SLC34A1: variants seen among roughly 807,000 people sequenced by gnomAD.
SLC34A1 encodes the protein solute carrier family 34 member 1.
A neutral mutation model predicts 51.4 loss-of-function variants in SLC34A1; 57 were observed. The observed-to-expected ratio is 1.11, with a 90% CI of 0.90 to 1.38. SLC34A1 has a LOEUF of 1.38. SLC34A1 is among the 40% of genes most tolerant of loss of function. SLC34A1 has a pLI of 0.00. For missense variants in SLC34A1, 796 were observed against 835.6 expected (o/e 0.95, Z 0.58); for synonymous variants, 368 against 358.0 (o/e 1.03, Z -0.32).
intron 8 of SLC34A1, among the ~76,000 whole-genome samples, chr5:177,391,534 T>A (rs1354795028): frequency 1.3e-5 from 2 of 152,164 alleles, no homozygotes; most frequent in Admixed American, 1.3e-4. Flanking sequence ...CACCTACTCA[T>A]TCAAGGGGTT....
intron 8 of SLC34A1, among the ~76,000 whole-genome samples, chr5:177,392,311 A>C (rs939986992): frequency 6.6e-6 from 1 of 152,100 alleles, no homozygotes; most frequent in Non-Finnish European, 1.5e-5. Flanking sequence ...AAAATACAAA[A>C]AATTAGCTGG....
intron 12 of SLC34A1, chr5:177,397,534 G>A (rs1763009685): frequency 1.7e-6 from 1 of 589,900 alleles, no homozygotes; most frequent in Non-Finnish European, 3.0e-6. Flanking sequence ...CCTGTGCGAG[G>A]GGTCAGTGGG....
chr5:177,394,292 T>A, intron 10 of SLC34A1, 97 bp downstream of exon 10: 3 of 1,296,366 alleles, frequency 2.3e-6, no homozygotes, highest in South Asian at 1.2e-5. Flanking sequence ...AACCCTACCA[T>A]CTCTGAGACT....
chr5:177,394,227 A>G (rs1468416284), intron 10 of SLC34A1, 32 bp downstream of exon 10: 1 of 1,611,712 alleles, frequency 6.2e-7, no homozygotes, highest in Admixed American at 1.7e-5. Flanking sequence ...GGGCAGGGCC[A>G]CAGGATGGGC....
Position 177,396,970 on chromosome 5 carries a change from G to C in SLC34A1, c.1312G>C (p.Glu438Gln), listed in dbSNP as rs554566423. ...CCCAGGTCTTGGTGTGATCAGCATT[G>C]AGAGGGCCTACCCGCTCACACTGGG... ...PLIGLGVISI[E>Q]RAYPLTLGSN... The change falls in exon 12 of 13, where the codon GAG becomes CAG. Residue 438 changes from glutamate to glutamine, a missense_variant. Physicochemically the swap from Glu to Gln is conservative, Grantham distance 29. Transcript: ENST00000324417. The surrounding 1 kb of genome is among the most constrained non-coding windows in gnomAD (Gnocchi z 4.0). 6.2e-7 allele frequency: 1 copy of C among 1,614,058 alleles called. No individual in the cohort carries two copies. Among genetic ancestry groups the C allele is most frequent in the African/African-American group, 1.3e-5 (1 of 74,938 alleles).
chr5:177,388,015 G>T lies in SLC34A1; in HGVS notation c.666G>T (p.Val222=). The change falls in exon 7 of 13, where the codon GTG becomes GTT. Residue 222 remains valine (V), a synonymous_variant. Coordinates refer to ENST00000324417, the MANE Select transcript of SLC34A1 (RefSeq NM_003052.5). The surrounding 1 kb of genome is among the most constrained non-coding windows in gnomAD (Gnocchi z 4.3). ...CCAGGGCCTTCGCGGGGGCCACGGT[G>T]CATGACTGCTTTAACTGGCTGTCAG... is the stretch of plus-strand genomic sequence containing the variant. The part of the protein sequence containing the change: ...DFRRAFAGAT[V]HDCFNWLSVL... 1 of 1,613,802 alleles carries T rather than the reference G, an allele frequency of 6.2e-7. No individual in the cohort carries two copies. The highest frequency in any genetic ancestry group is 1.1e-5 in the South Asian group (1 of 91,082).
chr5:177,389,816 T>G (rs1186251879), intron 8 of SLC34A1: 3 of 1,522,588 alleles, frequency 2.0e-6, no homozygotes, highest in African/African-American at 1.4e-5. Flanking sequence ...CCAGGTTCAC[T>G]CTGGGGAGGC....
chr5:177,386,215 A>T lies in SLC34A1; in HGVS notation c.260-6A>T. On this transcript the variant is annotated splice_polypyrimidine_tract_variant and splice_region_variant and intron_variant, in intron 3 of 12. Transcript: ENST00000324417. The surrounding 1 kb of genome is among the most constrained non-coding windows in gnomAD (Gnocchi z 4.8). ...GCCCACTATGCTCATGGCTTCCCCC[A>T]TCCAGAGTCCAGGCTGGTCCCCAAG... The T allele has an allele frequency of 1.2e-6, 2 of 1,614,090 alleles. No homozygotes were observed. Among genetic ancestry groups the T allele is most frequent in the Non-Finnish European group, 1.7e-6 (2 of 1,180,004 alleles).
At chr5:177,387,439 T>C (rs1422447984) in intron 5 of SLC34A1, among the ~76,000 whole-genome samples, 1 of 152,192 alleles carries the variant, frequency 6.6e-6, no homozygotes, top group East Asian at 1.9e-4. Flanking sequence ...CTGGGGCATG[T>C]GTGCACACAC....
At chr5:177,395,879 T>C (rs1159471882) in intron 10 of SLC34A1, among the ~76,000 whole-genome samples, 2 of 152,164 alleles carry the variant, frequency 1.3e-5, no homozygotes, top group African/African-American at 4.8e-5. Context: ...AGTGAACCTC[T>C]CGCCTTGGCC....
intron 5 of SLC34A1, among the ~76,000 whole-genome samples, chr5:177,387,364 C>T (rs912556678): frequency 1.3e-5 from 2 of 152,180 alleles, no homozygotes; most frequent in African/African-American, 4.8e-5. Flanking sequence ...CACTGCACTC[C>T]AGCCTGGGCG....
At chr5:177,387,099 A>C (rs564359620) in intron 5 of SLC34A1, among the ~76,000 whole-genome samples, 2 of 151,950 alleles carry the variant, frequency 1.3e-5, no homozygotes, top group East Asian at 1.9e-4. Context: ...GGCCGGGCGC[A>C]GTGGCTCATG....
At chr5:177,392,155 C>T (rs1273658495) in intron 8 of SLC34A1, among the ~76,000 whole-genome samples, 2 of 152,200 alleles carry the variant, frequency 1.3e-5, no homozygotes, top group South Asian at 2.1e-4. Flanking sequence ...GGATGTTACA[C>T]CAGACGCCAT....
chr5:177,390,754 G>A (rs1762775271), intron 8 of SLC34A1, among the ~76,000 whole-genome samples: 1 of 151,976 alleles, frequency 6.6e-6, no homozygotes. Context: ...TCCTCTGAGG[G>A]GGAAACTGCT....
At position 177,386,127 on chromosome 5, in the gene SLC34A1, C is replaced by A. The variant is rs1762559353; in HGVS notation, c.250C>A (p.Gln84Lys). 6.2e-7 allele frequency: 1 copy of A among 1,613,586 alleles called. No individual in the cohort carries two copies. Among genetic ancestry groups the A allele is most frequent in the African/African-American group, 1.3e-5 (1 of 75,058 alleles). ...TGCCAAGCTGGCCCTGGAGGAGGAGCAGAAGCCAGGTGGGCCTGGGCTGGG... is the reference window on the plus strand; with the variant it reads ...TGCCAAGCTGGCCCTGGAGGAGGAGAAGAAGCCAGGTGGGCCTGGGCTGGG... The part of the protein sequence containing the change: ...LPAKLALEEE[Q>K]KPESRLVPKL... Residue 84 changes from glutamine (Q) to lysine (K), a missense_variant, in exon 3 of 13, where the codon CAG (glutamine) becomes AAG (lysine). By Grantham distance (53) the Gln-to-Lys change is moderately conservative. Coordinates refer to ENST00000324417, the MANE Select transcript of SLC34A1 (RefSeq NM_003052.5). The surrounding 1 kb of genome is among the most constrained non-coding windows in gnomAD (Gnocchi z 4.8).
rs1429669396 is a variant in SLC34A1, at chr5:177,386,863, C to T, written c.532+297C>T. 1.3e-5 allele frequency among the ~76,000 whole-genome samples: 2 copies of T among 152,170 alleles called. No homozygotes were observed. The highest frequency in any genetic ancestry group is 6.8e-3 in the Middle Eastern group (2 of 294). On this transcript the variant is annotated intron_variant, in intron 5 of 12. Coordinates refer to ENST00000324417, the MANE Select transcript of SLC34A1 (RefSeq NM_003052.5). This position sits in a 1 kb window ranked among gnomAD's most constrained non-coding sequence, Gnocchi z 4.8. The stretch of plus-strand genomic sequence containing the variant: ...CGCCGACACTGCAGTCCAGACAGGG[C>T]AGCGTTTCTCCTTTCTCAGGGAAGC...
intron 5 of SLC34A1, among the ~76,000 whole-genome samples, chr5:177,387,178 G>A (rs1762608881): frequency 6.6e-6 from 1 of 151,588 alleles, no homozygotes; most frequent in South Asian, 2.1e-4. Context: ...AGACCACCCT[G>A]GCTAACACGG....
At chr5:177,393,894 C>G (rs952116276) in intron 9 of SLC34A1, 131 bp downstream of exon 9, 1 of 1,481,064 alleles carries the variant, frequency 6.8e-7, no homozygotes, top group Non-Finnish European at 9.4e-7. Flanking sequence ...AGCTCCTGAG[C>G]CTGGGTCAAG....
rs1338775709 is a variant in SLC34A1, at chr5:177,396,118, G to A, written c.1175-615G>A. Among the ~76,000 whole-genome samples, 1 of 152,156 alleles carries A rather than the reference G, an allele frequency of 6.6e-6. No homozygotes were observed. Among genetic ancestry groups the A allele is most frequent in the Non-Finnish European group, 1.5e-5 (1 of 68,018 alleles). On this transcript the variant is annotated intron_variant, in intron 10 of 12. Transcript: ENST00000324417. This position sits in a 1 kb window ranked among gnomAD's most constrained non-coding sequence, Gnocchi z 4.0. ...TAAACTTCATGCACTGGGAGGGGCTGCATGACAAGTACTAGAATAAGGGGT... is the reference window on the plus strand; with the variant it reads ...TAAACTTCATGCACTGGGAGGGGCTACATGACAAGTACTAGAATAAGGGGT...
Sources: allele counts gnomAD v4.1 joint callset (sites outside exome capture counted in the v4.1 genomes callset), GRCh38; gene constraint gnomAD v4.1.1; non-coding constraint Gnocchi (gnomAD v3.1); transcripts MANE v1.5; gene names NCBI Gene and HGNC (gene_info 2026-07-23, HGNC 2026-07-21).